C12orf42: variants seen among roughly 807,000 people sequenced by gnomAD.
The protein encoded by C12orf42 is chromosome 12 open reading frame 42, also known as uncharacterized protein C12orf42.
C12orf42 carries 25 observed loss-of-function variants against 21.6 expected under a neutral mutation model. That is an observed-to-expected ratio of 1.16 (90% CI 0.84 to 1.62). The LOEUF (loss-of-function observed/expected upper bound fraction) is 1.62, where lower values mean the gene tolerates loss of function less well. C12orf42 is among the 40% of genes most tolerant of loss of function. C12orf42 has a pLI of 0.00. For synonymous variants in C12orf42, 174 were observed against 175.0 expected (o/e 0.99, Z 0.05); for missense variants, 483 against 459.3 (o/e 1.05, Z -0.47).
chr12:103,386,274 T>G (rs2046602817), intron 3 of C12orf42, among the ~76,000 whole-genome samples: 1 of 152,168 alleles, frequency 6.6e-6, no homozygotes, highest in Admixed American at 6.5e-5. Flanking sequence ...ACTCAAGCAG[T>G]AGCCACCTCA....
chr12:103,504,479 C>A, the C12orf42 span: 3 of 154,028 alleles, frequency 1.9e-5, no homozygotes, highest in African/African-American at 7.2e-5. Context: ...CTGGAGGGTC[C>A]CTTTGGCTGC....
At chr12:103,300,108 T>C (rs560226365), downstream of C12orf42, among the ~76,000 whole-genome samples, 14 of 152,148 alleles carry the variant, frequency 9.2e-5, no homozygotes, top group Non-Finnish European at 2.1e-4. Context: ...TAGAACAGAG[T>C]TTTGAGCAAT....
At chr12:103,425,799 C>A (rs1949759572) in intron 2 of C12orf42, among the ~76,000 whole-genome samples, 1 of 152,074 alleles carries the variant, frequency 6.6e-6, no homozygotes, top group African/African-American at 2.4e-5. Flanking sequence ...AGATTCCCTA[C>A]CCTGAGGTGA....
intron 2 of C12orf42, among the ~76,000 whole-genome samples, chr12:103,453,025 CAA>C (rs34639780): frequency 1.6e-4 from 24 of 148,846 alleles, no homozygotes; most frequent in Admixed American, 4.0e-4. Flanking sequence ...TATAGTATAT[CAA>C]AAAAAAAAAG....
At chr12:103,490,369 T>A (rs753025040) in intron 1 of C12orf42, among the ~76,000 whole-genome samples, 18 of 152,222 alleles carry the variant, frequency 1.2e-4, no homozygotes, top group African/African-American at 4.1e-4. Context: ...ATAGGATAAC[T>A]GGTCTGAAAT....
At chr12:103,230,948 A>G in the C12orf42 span, among the ~76,000 whole-genome samples, 15 of 152,218 alleles carry the variant, frequency 9.9e-5, no homozygotes, top group African/African-American at 3.4e-4. Flanking sequence ...CTCTAGCTAT[A>G]TCCCAAAAGT....
intron 2 of C12orf42, among the ~76,000 whole-genome samples, chr12:103,455,481 G>C (rs1282246618): frequency 6.6e-6 from 1 of 151,956 alleles, no homozygotes; most frequent in African/African-American, 2.4e-5. Flanking sequence ...TGATCTCTTA[G>C]GTTTGTTTTG....
chr12:103,153,652 A>T, the C12orf42 span, among the ~76,000 whole-genome samples: 3 of 152,268 alleles, frequency 2.0e-5, no homozygotes, highest in Admixed American at 2.0e-4. Context: ...AATAAAAAAG[A>T]CAGACCAGTA....
the C12orf42 span, among the ~76,000 whole-genome samples, chr12:103,543,074 T>C: frequency 6.6e-6 from 1 of 152,170 alleles, no homozygotes; most frequent in African/African-American, 2.4e-5. Flanking sequence ...GAGGAGGTTG[T>C]AAAAACAACC....
chr12:103,396,860 C>T (rs910647526), intron 3 of C12orf42, among the ~76,000 whole-genome samples: 34 of 152,150 alleles, frequency 2.2e-4, no homozygotes, highest in African/African-American at 8.0e-4. Flanking sequence ...GTCTTGGAAT[C>T]ATGATAAAGA....
At chr12:103,284,964 G>A (rs189742460) in intron 4 of C12orf42, among the ~76,000 whole-genome samples, 13 of 152,222 alleles carry the variant, frequency 8.5e-5, no homozygotes, top group African/African-American at 3.1e-4. Flanking sequence ...ACACACAAGT[G>A]GGGTCTGGAT....
the C12orf42 span, among the ~76,000 whole-genome samples, chr12:103,199,088 A>C: frequency 6.6e-6 from 1 of 152,254 alleles, no homozygotes; most frequent in Non-Finnish European, 1.5e-5. Flanking sequence ...TAATCAAAAC[A>C]GTGTGGTTCT....
At chr12:103,460,320 G>A (rs12311801) in intron 2 of C12orf42, among the ~76,000 whole-genome samples, 31,271 of 151,696 alleles carry the variant, frequency 0.21, 3,688 homozygotes, top group East Asian at 0.35. Context: ...AGGAATTCCC[G>A]GGAAAGATTA....
chr12:103,420,767 C>T (rs544168675), intron 2 of C12orf42, among the ~76,000 whole-genome samples: 7 of 152,294 alleles, frequency 4.6e-5, no homozygotes, highest in Admixed American at 4.6e-4. Context: ...GATCTGCCCG[C>T]CTCGGCCTCC....
At chr12:103,523,739 G>C in the C12orf42 span, among the ~76,000 whole-genome samples, 1,251 of 151,114 alleles carry the variant, frequency 8.3e-3, 18 homozygotes, top group African/African-American at 0.029. Context: ...TAGAGCTTTT[G>C]GAATATGAGG....
chr12:103,362,850 T>C (rs576435121), intron 4 of C12orf42, among the ~76,000 whole-genome samples: 2 of 152,102 alleles, frequency 1.3e-5, no homozygotes, highest in East Asian at 1.9e-4. Flanking sequence ...TTTGGGATTA[T>C]GTTAAATGAC....
intron 1 of C12orf42, among the ~76,000 whole-genome samples, chr12:103,481,087 C>A (rs1272641073): frequency 6.6e-6 from 1 of 151,566 alleles, no homozygotes; most frequent in African/African-American, 2.4e-5. Flanking sequence ...AGAGTTATAT[C>A]TTCTTAATAA....
At chr12:103,287,721 C>CAA (rs376221969) in intron 4 of C12orf42, among the ~76,000 whole-genome samples, 1 of 144,784 alleles carries the variant, frequency 6.9e-6, no homozygotes, top group Non-Finnish European at 1.5e-5. Context: ...AAAAAAAAAA[C>CAA]AAAAAAAAGT....
At chr12:103,096,578 G>A in the C12orf42 span, among the ~76,000 whole-genome samples, 399 of 152,236 alleles carry the variant, frequency 2.6e-3, 1 homozygote, top group African/African-American at 9.2e-3. Context: ...TGGCAACCTT[G>A]TGGTCCCGTA....
Sources: allele counts gnomAD v4.1 joint callset (sites outside exome capture counted in the v4.1 genomes callset), GRCh38; gene constraint gnomAD v4.1.1; transcripts MANE v1.5; gene names NCBI Gene and HGNC (gene_info 2026-07-23, HGNC 2026-07-21).